LRP1B: variants seen among roughly 807,000 people sequenced by gnomAD.
The protein encoded by LRP1B is low-density lipoprotein receptor-related protein 1B.
Under a neutral mutation model 556.6 loss-of-function variants are expected in LRP1B, and 217 were observed. The observed-to-expected ratio is 0.39, with a 90% CI of 0.35 to 0.44. LRP1B has a LOEUF of 0.44. Among genes scored for constraint, LRP1B ranks in the 20% least tolerant of loss-of-function variants. The pLI is 1.00. For missense variants in LRP1B, 5,053 were observed against 5,620.8 expected, an observed-to-expected ratio of 0.90 and a Z score of 3.23; for synonymous variants, 2,047 against 1,865.8, an observed-to-expected ratio of 1.10 and a Z score of -2.50.
intron 1 of LRP1B, among the ~76,000 whole-genome samples, chr2:142,111,128 C>T (rs1009493215): frequency 6.6e-6 from 1 of 152,138 alleles, no homozygotes; most frequent in African/African-American, 2.4e-5. Flanking sequence ...GTGGGCAAAA[C>T]TGGAGATCCA....
chr2:141,589,639 A>G (rs1687265562), intron 2 of LRP1B, among the ~76,000 whole-genome samples: 1 of 152,164 alleles, frequency 6.6e-6, no homozygotes, highest in East Asian at 1.9e-4. Context: ...AAACACTTAT[A>G]AGAGAAAAAG....
At chr2:141,979,123 AAAT>A (rs1358081597) in intron 1 of LRP1B, among the ~76,000 whole-genome samples, 8 of 151,750 alleles carry the variant, frequency 5.3e-5, no homozygotes, top group African/African-American at 1.5e-4. Context: ...ACTTGCTATG[AAAT>A]AATAAGGATG....
At chr2:141,535,654 G>A (rs1401592518) in intron 2 of LRP1B, among the ~76,000 whole-genome samples, 2 of 151,954 alleles carry the variant, frequency 1.3e-5, no homozygotes, top group African/African-American at 4.8e-5. Context: ...GATCTTTCCT[G>A]GCAAATAAAC....
At chr2:140,616,353 TAAAG>T (rs1405005538) in intron 41 of LRP1B, among the ~76,000 whole-genome samples, 1 of 152,002 alleles carries the variant, frequency 6.6e-6, no homozygotes, top group Non-Finnish European at 1.5e-5. Context: ...AATGTTATCA[TAAAG>T]AACTCTCATG....
At chr2:140,730,977 T>C (rs1687758084) in intron 35 of LRP1B, among the ~76,000 whole-genome samples, 1 of 152,164 alleles carries the variant, frequency 6.6e-6, no homozygotes, top group Non-Finnish European at 1.5e-5. Context: ...ATCTTGACTC[T>C]AGCAGCACTA....
At chr2:141,690,297 T>A (rs1691467568) in intron 2 of LRP1B, among the ~76,000 whole-genome samples, 1 of 149,890 alleles carries the variant, frequency 6.7e-6, no homozygotes. Flanking sequence ...TCCTTTGAAT[T>A]TTTAGTACAT....
At chr2:141,675,628 A>G (rs1040554416) in intron 2 of LRP1B, among the ~76,000 whole-genome samples, 1 of 151,370 alleles carries the variant, frequency 6.6e-6, no homozygotes, top group African/African-American at 2.4e-5. Flanking sequence ...AAAATTCCTG[A>G]CTCATAGTAA....
At chr2:142,035,182 C>T (rs568551692) in intron 1 of LRP1B, among the ~76,000 whole-genome samples, 1 of 151,538 alleles carries the variant, frequency 6.6e-6, no homozygotes, top group Non-Finnish European at 1.5e-5. Context: ...ACATATTAGT[C>T]GCAAAGATGC....
At chr2:141,714,528 C>G (rs1224599842) in intron 2 of LRP1B, among the ~76,000 whole-genome samples, 2 of 137,520 alleles carry the variant, frequency 1.5e-5, no homozygotes, top group Non-Finnish European at 3.1e-5. Context: ...GTTCAAATGG[C>G]TTTTCCTTTG....
intron 2 of LRP1B, among the ~76,000 whole-genome samples, chr2:141,549,555 C>T (rs943123886): frequency 5.9e-5 from 9 of 152,106 alleles, no homozygotes; most frequent in Non-Finnish European, 1.3e-4. Context: ...AATCTTTTGT[C>T]GGCCTTTCTC....
At chr2:140,494,701 A>G (rs965850010) in intron 56 of LRP1B, among the ~76,000 whole-genome samples, 1 of 151,978 alleles carries the variant, frequency 6.6e-6, no homozygotes, top group African/African-American at 2.4e-5. Context: ...AATTGAAAGG[A>G]GTTAATTTTT....
chr2:141,384,661 G>T (rs1030683823), intron 3 of LRP1B, among the ~76,000 whole-genome samples: 1 of 152,048 alleles, frequency 6.6e-6, no homozygotes, highest in East Asian at 1.9e-4. Context: ...CATGCCACAG[G>T]TTGCTCGGGG....
intron 68 of LRP1B, among the ~76,000 whole-genome samples, chr2:140,377,414 C>T (rs749160026): frequency 1.3e-5 from 2 of 152,030 alleles, no homozygotes; most frequent in African/African-American, 4.8e-5. Flanking sequence ...GACTTGATTG[C>T]GCAAACCTTG....
chr2:140,343,802 T>C (rs1438070570), intron 77 of LRP1B, among the ~76,000 whole-genome samples: 1 of 151,686 alleles, frequency 6.6e-6, no homozygotes. Context: ...CTCACAATCA[T>C]TGTGCTGGGT....
chr2:141,811,116 A>G (rs1218025588), intron 1 of LRP1B, among the ~76,000 whole-genome samples: 1 of 151,952 alleles, frequency 6.6e-6, no homozygotes, highest in Non-Finnish European at 1.5e-5. Context: ...GTCCTCGCAA[A>G]CTCATCAGAT....
intron 1 of LRP1B, among the ~76,000 whole-genome samples, chr2:141,982,379 G>A (rs1702067496): frequency 6.6e-6 from 1 of 152,156 alleles, no homozygotes; most frequent in African/African-American, 2.4e-5. Context: ...ACAATACAGA[G>A]CTTGAAGGCT....
chr2:140,625,857 G>T (rs1683639434), intron 41 of LRP1B, among the ~76,000 whole-genome samples: 1 of 152,092 alleles, frequency 6.6e-6, no homozygotes, highest in Non-Finnish European at 1.5e-5. Flanking sequence ...ATATGATCCA[G>T]CATTCATTCA....
chr2:141,877,138 C>T (rs1035637021), intron 1 of LRP1B, among the ~76,000 whole-genome samples: 4 of 151,896 alleles, frequency 2.6e-5, no homozygotes, highest in Non-Finnish European at 5.9e-5. Flanking sequence ...AACATGTAAT[C>T]AAAGTTGAAA....
chr2:141,092,895 G>T (rs1222732192), intron 7 of LRP1B, among the ~76,000 whole-genome samples: 1 of 152,130 alleles, frequency 6.6e-6, no homozygotes, highest in Non-Finnish European at 1.5e-5. Context: ...AATCAGGGGA[G>T]GAAAATAATG....
Sources: allele counts gnomAD v4.1 joint callset (sites outside exome capture counted in the v4.1 genomes callset), GRCh38; gene constraint gnomAD v4.1.1; transcripts MANE v1.5; gene names NCBI Gene and HGNC (gene_info 2026-07-23, HGNC 2026-07-21).